Variants in SGCZ observed in about 807,000 individuals in gnomAD.
The protein encoded by SGCZ is sarcoglycan zeta, also known as zeta-sarcoglycan.
In SGCZ, 40 loss-of-function variants were observed where a neutral mutation model predicts 41.3. The observed-to-expected ratio is 0.97, with a 90% confidence interval of 0.75 to 1.26. The LOEUF (loss-of-function observed/expected upper bound fraction) is 1.26. Ranked by LOEUF, SGCZ falls within the 50% of genes most tolerant of loss-of-function variation. SGCZ has a pLI of 0.00. For synonymous variants in SGCZ, 206 were observed against 137.5 expected (o/e 1.50, Z -3.49); for missense variants, 552 against 369.8 (o/e 1.49, Z -4.04).
chr8:14,448,700 A>ATC (rs3068613), intron 2 of SGCZ, among the ~76,000 whole-genome samples: 71,820 of 151,734 alleles, frequency 0.47, 17,590 homozygotes, highest in African/African-American at 0.58. Context: ...TTTTCTTAGT[A>ATC]TGTTAGGTGC....
At chr8:14,789,576 T>C (rs13257852) in intron 1 of SGCZ, among the ~76,000 whole-genome samples, 54,442 of 151,976 alleles carry the variant, frequency 0.36, 11,784 homozygotes, top group East Asian at 0.51. Flanking sequence ...GCTTTAGACC[T>C]TTCATTCTTT....
intron 2 of SGCZ, among the ~76,000 whole-genome samples, chr8:14,395,967 T>C (rs10098233): frequency 0.17 from 25,373 of 151,884 alleles, 5,084 homozygotes; most frequent in African/African-American, 0.48. Context: ...AGAGTTAAAG[T>C]GAAGTCATCA....
At chr8:15,046,953 C>A (rs2130987163) in intron 1 of SGCZ, among the ~76,000 whole-genome samples, 1 of 152,020 alleles carries the variant, frequency 6.6e-6, no homozygotes, top group East Asian at 1.9e-4. Flanking sequence ...ATTGTTCATT[C>A]ATATCAGTGA....
chr8:14,314,666 A>C (rs1289099448), intron 3 of SGCZ, among the ~76,000 whole-genome samples: 1 of 152,184 alleles, frequency 6.6e-6, no homozygotes, highest in African/African-American at 2.4e-5. Context: ...CAGTGTTTTC[A>C]TCAGTGGGTA....
intron 1 of SGCZ, among the ~76,000 whole-genome samples, chr8:14,775,457 TTGAGTG>T (rs761437178): frequency 1.1e-5 from 1 of 87,764 alleles, no homozygotes; most frequent in Non-Finnish European, 2.2e-5. Flanking sequence ...AGTAGAATAT[TTGAGTG>T]TGTGTGTGTG....
intron 4 of SGCZ, among the ~76,000 whole-genome samples, chr8:14,223,376 G>C (rs972532822): frequency 1.5e-4 from 23 of 152,064 alleles, no homozygotes; most frequent in African/African-American, 5.6e-4. Context: ...GTTAATTTTA[G>C]AGAGAACGGA....
At chr8:14,405,766 C>T (rs1799195249) in intron 2 of SGCZ, among the ~76,000 whole-genome samples, 1 of 152,118 alleles carries the variant, frequency 6.6e-6, no homozygotes, top group South Asian at 2.1e-4. Context: ...TATAATTTTT[C>T]ACTTAAAATG....
intron 1 of SGCZ, among the ~76,000 whole-genome samples, chr8:14,729,743 T>C (rs748476417): frequency 1.2e-4 from 18 of 152,190 alleles, no homozygotes; most frequent in Non-Finnish European, 1.8e-4. Flanking sequence ...CTGATACATA[T>C]TTATCTGCAA....
Position 14,445,502 on chromosome 8 carries a change from A to G in SGCZ, c.234+109230T>C, listed in dbSNP as rs933317815. ...AAGTGGTGACTGGACTTTAAGGAGA[A>G]GATGACCTGACTTTGGGGAACACTA... On this transcript the variant is annotated intron_variant, in intron 2 of 7. Transcript: ENST00000382080. Among the ~76,000 whole-genome samples, 3 of 150,718 alleles carry G rather than the reference A, an allele frequency of 2.0e-5. No homozygotes were observed. In the South Asian group the frequency reaches 6.2e-4, roughly 31 times the overall value.
intron 2 of SGCZ, among the ~76,000 whole-genome samples, chr8:14,483,072 C>A (rs1176566744): frequency 1.3e-5 from 2 of 152,078 alleles, no homozygotes; most frequent in Non-Finnish European, 2.9e-5. Flanking sequence ...CTCTCATTTC[C>A]ACAGGCTCTA....
intron 2 of SGCZ, among the ~76,000 whole-genome samples, chr8:14,406,666 C>T (rs1799219022): frequency 6.6e-6 from 1 of 152,074 alleles, no homozygotes; most frequent in Non-Finnish European, 1.5e-5. Flanking sequence ...AGACACATGC[C>T]ATGTCAGTTT....
At chr8:14,138,185 C>A (rs574804694) in intron 5 of SGCZ, among the ~76,000 whole-genome samples, 2 of 152,202 alleles carry the variant, frequency 1.3e-5, no homozygotes, top group East Asian at 3.9e-4. Context: ...AGGAAGCACT[C>A]AACATGGAAA....
chr8:14,934,095 C>T (rs992984987), intron 1 of SGCZ, among the ~76,000 whole-genome samples: 1 of 151,734 alleles, frequency 6.6e-6, no homozygotes, highest in Admixed American at 6.6e-5. Context: ...TAAATATTCC[C>T]AAGTCATTAG....
intron 3 of SGCZ, among the ~76,000 whole-genome samples, chr8:14,302,882 G>A (rs1384820407): frequency 6.6e-6 from 1 of 152,120 alleles, no homozygotes; most frequent in Non-Finnish European, 1.5e-5. Flanking sequence ...CTATTTCTCA[G>A]GAAGCAATAT....
chr8:14,711,437 A>C (rs111496147), intron 1 of SGCZ, among the ~76,000 whole-genome samples: 1 of 35,010 alleles, frequency 2.9e-5, no homozygotes, highest in Admixed American at 2.3e-4. Context: ...TAAAAATACA[A>C]AAAAAAAAAA....
chr8:15,109,891 C>A (rs1259660152), intron 1 of SGCZ, among the ~76,000 whole-genome samples: 1 of 152,050 alleles, frequency 6.6e-6, no homozygotes, highest in Non-Finnish European at 1.5e-5. Flanking sequence ...TCTTTATGGG[C>A]AATTTTCTTT....
chr8:14,616,387 C>G (rs1364914303), intron 1 of SGCZ, among the ~76,000 whole-genome samples: 1 of 151,978 alleles, frequency 6.6e-6, no homozygotes, highest in Non-Finnish European at 1.5e-5. Flanking sequence ...ATTTTCTCTA[C>G]TTTGGTTCTC....
At chr8:14,801,785 G>C (rs892524361) in intron 1 of SGCZ, among the ~76,000 whole-genome samples, 1 of 152,102 alleles carries the variant, frequency 6.6e-6, no homozygotes, top group Admixed American at 6.6e-5. Context: ...AAAATGTTCT[G>C]AGGTAAGGAA....
At chr8:15,228,349 G>A (rs2117200943) in intron 1 of SGCZ, among the ~76,000 whole-genome samples, 1 of 152,224 alleles carries the variant, frequency 6.6e-6, no homozygotes, top group East Asian at 1.9e-4. Context: ...TAATAATGAG[G>A]AGCTTTATCA....
Sources: gnomAD v4.1 joint callset for allele counts (sites outside exome capture counted in the v4.1 genomes callset) on GRCh38, gnomAD v4.1.1 for gene constraint, MANE v1.5 for transcripts, NCBI Gene and HGNC (gene_info 2026-07-23, HGNC 2026-07-21) for gene names.